The following UBASH3A variants were observed in gnomAD, a reference collection of about 807,000 sequenced individuals.
The protein encoded by UBASH3A is ubiquitin-associated and SH3 domain-containing protein A.
In UBASH3A, 63 loss-of-function variants were observed where a neutral mutation model predicts 73.5. That is an observed-to-expected ratio of 0.86 (90% CI 0.70 to 1.06). UBASH3A has a LOEUF of 1.06. Among genes scored for constraint, UBASH3A ranks in the 50% least tolerant of loss-of-function variants. UBASH3A has a pLI of 0.00. For synonymous variants in UBASH3A, 363 were observed against 351.1 expected (o/e 1.03, Z -0.38); for missense variants, 860 against 859.0 (o/e 1.00, Z -0.02).
At chr21:42,406,957 C>T (rs2052989874) in intron 2 of UBASH3A, among the ~76,000 whole-genome samples, 1 of 152,114 alleles carries the variant, frequency 6.6e-6, no homozygotes, top group African/African-American at 2.4e-5. Flanking sequence ...GACTAGCGGC[C>T]ACCATGCTCT....
chr21:42,416,653 G>A, intron 6 of UBASH3A, 42 bp downstream of exon 6: 8 of 1,448,760 alleles, frequency 5.5e-6, no homozygotes, highest in Non-Finnish European at 6.4e-6. Context: ...CAGATGAATG[G>A]GCTGGGCTCG....
chr21:42,434,789 T>C (rs371316657), intron 9 of UBASH3A, 43 bp from the exon 10 acceptor site: 1 of 1,595,354 alleles, frequency 6.3e-7, no homozygotes, highest in South Asian at 1.1e-5. Context: ...AAATCTGTAC[T>C]AACTTGATGA....
chr21:42,416,812 A>G (rs2053221780), intron 6 of UBASH3A, among the ~76,000 whole-genome samples: 1 of 152,226 alleles, frequency 6.6e-6, no homozygotes, highest in Non-Finnish European at 1.5e-5. Flanking sequence ...GGGCACCTGT[A>G]GTCCCAGCTA....
chr21:42,444,240 C>T (rs1349717717), intron 13 of UBASH3A, among the ~76,000 whole-genome samples: 8 of 152,210 alleles, frequency 5.3e-5, no homozygotes, highest in African/African-American at 1.4e-4. Context: ...CGCTACATCC[C>T]AGTCTGTGGC....
intron 5 of UBASH3A, among the ~76,000 whole-genome samples, chr21:42,415,024 C>T (rs555976495): frequency 9.2e-5 from 14 of 152,314 alleles, no homozygotes; most frequent in Admixed American, 6.5e-4. Context: ...CTCAGCCTGA[C>T]ACCGAGGGGG....
intron 3 of UBASH3A, among the ~76,000 whole-genome samples, chr21:42,412,588 T>G (rs940893708): frequency 2.0e-5 from 3 of 152,082 alleles, no homozygotes; most frequent in African/African-American, 7.2e-5. Context: ...CAGCTGGAAG[T>G]GCAGCTGAGT....
chr21:42,437,833 G>A (rs147201173), intron 11 of UBASH3A, among the ~76,000 whole-genome samples: 169 of 152,296 alleles, frequency 1.1e-3, no homozygotes, highest in African/African-American at 3.9e-3. Flanking sequence ...TCCTCATACC[G>A]TTTCTCTTTG....
At chr21:42,433,899 G>A (rs979806732) in intron 9 of UBASH3A, among the ~76,000 whole-genome samples, 1 of 152,164 alleles carries the variant, frequency 6.6e-6, no homozygotes, top group African/African-American at 2.4e-5. Flanking sequence ...GGGGTGCAAA[G>A]GGCAGGGCCT....
At chr21:42,415,527 G>T (rs1441353608) in intron 5 of UBASH3A, among the ~76,000 whole-genome samples, 3 of 152,154 alleles carry the variant, frequency 2.0e-5, no homozygotes, top group Non-Finnish European at 2.9e-5. Context: ...CCTTTTTTAG[G>T]GGGTGAGCAG....
chr21:42,444,063 C>A (rs867556877), intron 13 of UBASH3A, among the ~76,000 whole-genome samples: 1 of 152,260 alleles, frequency 6.6e-6, no homozygotes, highest in African/African-American at 2.4e-5. Context: ...TGACTTCCCA[C>A]GCCTTCCCCT....
At chr21:42,427,772 C>T (rs1383485333) in intron 8 of UBASH3A, among the ~76,000 whole-genome samples, 1 of 152,146 alleles carries the variant, frequency 6.6e-6, no homozygotes, top group Admixed American at 6.5e-5. Flanking sequence ...CAGGCTTATT[C>T]CCTAGTCCCC....
chr21:42,431,487 A>T (rs1405989087), intron 8 of UBASH3A, among the ~76,000 whole-genome samples: 1 of 152,246 alleles, frequency 6.6e-6, no homozygotes, highest in Non-Finnish European at 1.5e-5. Context: ...TCATGCCGAG[A>T]AGAAGTAAAT....
chr21:42,420,006 C>A (rs1018615408), intron 7 of UBASH3A, among the ~76,000 whole-genome samples: 1 of 152,190 alleles, frequency 6.6e-6, no homozygotes, highest in Non-Finnish European at 1.5e-5. Flanking sequence ...TGGAACATAA[C>A]CCCATCTGAA....
chr21:42,429,841 C>A (rs185699365), intron 8 of UBASH3A, among the ~76,000 whole-genome samples: 1 of 152,120 alleles, frequency 6.6e-6, no homozygotes, highest in East Asian at 1.9e-4. Flanking sequence ...TTGGCCTTAC[C>A]GTATATCCGT....
Position 42,443,295 on chromosome 21 carries a change from C to CGA in UBASH3A, c.1632-17_1632-16insGA. 2 of 1,608,266 alleles carry CGA rather than the reference C, an allele frequency of 1.2e-6. No individual in the cohort carries two copies. The highest frequency in any genetic ancestry group is 1.3e-5 in the African/African-American group (1 of 74,882). On this transcript the variant is annotated splice_polypyrimidine_tract_variant and intron_variant, in intron 12 of 14. Transcript: ENST00000319294. ...CGAAAGTGCCAGGGCAGCAGCCTCTCCTTCTCATCCTTCCAGGCCCGCGTT... is the reference window on the plus strand; with the variant it reads ...CGAAAGTGCCAGGGCAGCAGCCTCTCGACTTCTCATCCTTCCAGGCCCGCGTT...
chr21:42,431,358 C>T (rs1315206022), intron 8 of UBASH3A, among the ~76,000 whole-genome samples: 6 of 152,260 alleles, frequency 3.9e-5, no homozygotes, highest in Non-Finnish European at 8.8e-5. Context: ...AGAGGGCGGG[C>T]GTGAGCCCTG....
Position 42,424,567 on chromosome 21 carries a change from G to A in UBASH3A, c.1047-2130G>A, listed in dbSNP as rs116092873. Among the ~76,000 whole-genome samples the A allele has an allele frequency of 2.5e-3, 385 of 152,278 alleles. 3 individuals carry two copies. Among genetic ancestry groups the A allele is most frequent in the African/African-American group, 8.8e-3 (364 of 41,566 alleles). ...ACCCCTGTGGGACAAACAACAGGGG[G>A]GCTTGAGTGTGAGGGCTCGGGAGAA... On this transcript the variant is annotated intron_variant, in intron 7 of 14. Coordinates refer to ENST00000319294, the MANE Select transcript of UBASH3A (RefSeq NM_018961.4).
At chr21:42,441,768 C>T (rs1045818923) in intron 11 of UBASH3A, among the ~76,000 whole-genome samples, 4 of 152,204 alleles carry the variant, frequency 2.6e-5, no homozygotes, top group Non-Finnish European at 5.9e-5. Flanking sequence ...GAAAGAGCTC[C>T]TTCCATGGAC....
chr21:42,415,029 A>AG (rs1231344135), intron 5 of UBASH3A, among the ~76,000 whole-genome samples: 1 of 152,032 alleles, frequency 6.6e-6, no homozygotes, highest in Non-Finnish European at 1.5e-5. Context: ...CCTGACACCG[A>AG]GGGGGTGGAG....
Sources: allele counts gnomAD v4.1 joint callset (sites outside exome capture counted in the v4.1 genomes callset), GRCh38; gene constraint gnomAD v4.1.1; transcripts MANE v1.5; gene names NCBI Gene and HGNC (gene_info 2026-07-23, HGNC 2026-07-21).